The following KNDC1 variants were observed in gnomAD, a reference collection of about 807,000 sequenced individuals.
The protein encoded by KNDC1 is kinase non-catalytic C-lobe domain-containing protein 1.
Under a neutral mutation model 172.8 loss-of-function variants are expected in KNDC1, and 106 were observed. The ratio of observed to expected loss-of-function variants is 0.61; its 90% CI spans 0.52 to 0.72. KNDC1 has a LOEUF of 0.72. Among genes scored for constraint, KNDC1 ranks in the 30% least tolerant of loss-of-function variants. The pLI, the probability that KNDC1 is intolerant of heterozygous loss-of-function variation, is 0.00. For synonymous variants in KNDC1, 1,083 were observed against 1,062.2 expected (o/e 1.02, Z -0.38); for missense variants, 2,325 against 2,394.5 (o/e 0.97, Z 0.61).
Position 133,203,891 on chromosome 10 carries a change from G to A in KNDC1, c.3387+1993G>A, listed in dbSNP as rs547234555. Among the ~76,000 whole-genome samples the A allele has an allele frequency of 1.5e-3, 232 of 152,344 alleles. 1 individual carries two copies. The highest frequency in any genetic ancestry group is 5.4e-3 in the African/African-American group (226 of 41,582). Reference sequence around the variant, plus strand: ...ACGGACATCGAGTCTGACTGTGAACGGAGGCCGTGGAGGTGCCGGCCAGAG... The same window carrying A: ...ACGGACATCGAGTCTGACTGTGAACAGAGGCCGTGGAGGTGCCGGCCAGAG... On this transcript the variant is annotated intron_variant, in intron 17 of 29. Transcript: ENST00000304613.
intron 6 of KNDC1, among the ~76,000 whole-genome samples, chr10:133,188,032 C>T (rs1433025649): frequency 2.6e-5 from 4 of 152,072 alleles, no homozygotes; most frequent in Non-Finnish European, 5.9e-5. Context: ...TTCACTGAGC[C>T]CACTGTCCTC....
chr10:133,199,079 C>A lies in KNDC1; in HGVS notation c.2571C>A (p.Asp857Glu), dbSNP rs111276772. 3.9e-3 allele frequency: 6,323 copies of A among 1,608,082 alleles called. 196 individuals are homozygous for A. In the African/African-American group the frequency reaches 0.071, roughly 18 times the overall value. Residue 857 changes from aspartate to glutamate, a missense_variant, in exon 14 of 30, where the codon GAC becomes GAA. Coordinates refer to ENST00000304613, the MANE Select transcript of KNDC1 (RefSeq NM_152643.8). ...PGATPAGERD[D>E]QSPDSVPERP... Reference sequence around the variant, plus strand: ...CCACCCCTGCCGGGGAACGTGATGACCAGAGTCCAGACAGTGTCCCAGAGA... The same window carrying A: ...CCACCCCTGCCGGGGAACGTGATGAACAGAGTCCAGACAGTGTCCCAGAGA...
In KNDC1 at chr10:133,183,988, G is replaced by C; in HGVS notation, c.624G>C (p.Gln208His). 2 of 1,562,066 alleles carry C rather than the reference G, an allele frequency of 1.3e-6. No individual in the cohort carries two copies. The highest frequency in any genetic ancestry group is 1.1e-5 in the South Asian group (1 of 87,504). ...CCATCGAGTCCTTCGGAGCGCTGCA[G>C]GGTGAGTTCTTGAACCCACACACGT... ...VLSIESFGAL[Q>H]DVSESSWRER... Residue 208 changes from glutamine to histidine, a missense_variant and splice_region_variant, in exon 5 of 30, where the codon CAG becomes CAC. Coordinates refer to ENST00000304613, the MANE Select transcript of KNDC1 (RefSeq NM_152643.8).
rs763070499 is a variant in KNDC1, at chr10:133,225,709, G to A, written c.*819G>A. On this transcript the variant is annotated 3_prime_UTR_variant, in exon 30 of 30. Coordinates refer to ENST00000304613, the MANE Select transcript of KNDC1 (RefSeq NM_152643.8). ...GTGCCCCCACCCATCTCATGCCCCAGGGACCGCCACTGCCCACCGCCTCCA... is the reference window on the plus strand; with the variant it reads ...GTGCCCCCACCCATCTCATGCCCCAAGGACCGCCACTGCCCACCGCCTCCA... 1 of 152,910 alleles carries A rather than the reference G, an allele frequency of 6.5e-6. No individual in the cohort carries two copies. Among genetic ancestry groups the A allele is most frequent in the East Asian group, 1.9e-4 (1 of 5,210 alleles). The allele number at this position is 152,910 out of a possible 1,614,324, so 9.5% of individuals were successfully genotyped here. A position where few individuals can be genotyped will look rare whatever the true frequency, so the allele number is the denominator to read the frequency against.
chr10:133,218,421 C>T (rs975142439), intron 26 of KNDC1, among the ~76,000 whole-genome samples: 1 of 152,196 alleles, frequency 6.6e-6, no homozygotes, highest in African/African-American at 2.4e-5. Context: ...CTTGGCGCAG[C>T]GGGTTGGGGG....
In KNDC1 at chr10:133,186,345, A is replaced by G; in HGVS notation, c.997A>G (p.Ile333Val). The G allele has an allele frequency of 1.2e-6, 2 of 1,612,702 alleles. No homozygotes were observed. Among genetic ancestry groups the G allele is most frequent in the Non-Finnish European group, 1.7e-6 (2 of 1,179,952 alleles). ...GACCCGCGGGAAAAGCCAGCTGCCC[A>G]TATCGGAATTATTCTCTCCGGACCC... ...PLTRGKSQLP[I>V]SELFSPDPRK... is the part of the protein sequence containing the mutation. The change falls in exon 6 of 30, where the codon ATA becomes GTA. Residue 333 changes from isoleucine (I) to valine (V), a missense_variant. By Grantham distance (29) the Ile-to-Val change is conservative. Transcript: ENST00000304613.
intron 6 of KNDC1, among the ~76,000 whole-genome samples, chr10:133,187,375 G>A (rs1853949841): frequency 1.3e-5 from 2 of 152,246 alleles, no homozygotes; most frequent in Non-Finnish European, 2.9e-5. Context: ...CTGGCCAAGT[G>A]CATTTTGCCC....
intron 15 of KNDC1, 115 bp from the exon 16 acceptor site, chr10:133,200,260 C>A: frequency 2.8e-6 from 2 of 709,978 alleles, no homozygotes; most frequent in Non-Finnish European, 4.3e-6. Context: ...TGAGCTCCTG[C>A]CGCCTCCAGC....
Position 133,205,106 on chromosome 10 carries a change from G to A in KNDC1, c.3388-1579G>A, listed in dbSNP as rs1288294693. Among the ~76,000 whole-genome samples the A allele has an allele frequency of 5.3e-5, 8 of 151,524 alleles. No homozygotes were observed. The East Asian group carries it at 1.4e-3, about 26-fold the overall frequency. On this transcript the variant is annotated intron_variant, in intron 17 of 29. Transcript: ENST00000304613. ...CTGTATCTGCCCCTGTACCCCTAGA[G>A]GGAAGGGCCGTCTCTGGGGTCACTG...
Position 133,224,407 on chromosome 10 carries a change from G to A in KNDC1, c.5019-252G>A, listed in dbSNP as rs912796897. ...TCTTCTTGGGACGCTCAGCAGGGAC[G>A]AGCCTGAGCCTGCAGGGTTTCCATA... On this transcript the variant is annotated intron_variant, in intron 29 of 29. Coordinates refer to ENST00000304613, the MANE Select transcript of KNDC1 (RefSeq NM_152643.8). The surrounding 1 kb of genome is among the most constrained non-coding windows in gnomAD (Gnocchi z 5.4). Among the ~76,000 whole-genome samples, 32 of 152,138 alleles carry A rather than the reference G, an allele frequency of 2.1e-4. No homozygotes were observed. Among genetic ancestry groups the A allele is most frequent in the African/African-American group, 7.5e-4 (31 of 41,408 alleles).
chr10:133,217,711 C>A (rs1224883324), intron 26 of KNDC1, among the ~76,000 whole-genome samples: 2 of 152,156 alleles, frequency 1.3e-5, no homozygotes, highest in Admixed American at 1.3e-4. Context: ...GTGATCCCAG[C>A]ACTTTGGGAG....
chr10:133,171,598 A>G (rs548906955), intron 3 of KNDC1, among the ~76,000 whole-genome samples: 1 of 150,962 alleles, frequency 6.6e-6, no homozygotes, highest in Non-Finnish European at 1.5e-5. Flanking sequence ...TTTTAATTAC[A>G]TTTTTCTGTT....
chr10:133,212,277 G>A (rs975532630), intron 23 of KNDC1, among the ~76,000 whole-genome samples: 17 of 149,376 alleles, frequency 1.1e-4, no homozygotes, highest in African/African-American at 2.7e-4. Context: ...ACCCGCACAC[G>A]CATCCACACA....
chr10:133,177,866 G>C lies in KNDC1; in HGVS notation c.361-5478G>C, dbSNP rs1259909924. ...GCATGTAGTGTGTTGTCATGGGCAC[G>C]TGTGTAGCATGGTGTGTGTGTAGTG... On this transcript the variant is annotated intron_variant, in intron 3 of 29. Transcript: ENST00000304613. 2.0e-5 allele frequency among the ~76,000 whole-genome samples: 3 copies of C among 151,566 alleles called. No individual in the cohort carries two copies. The South Asian group carries it at 6.3e-4, about 32-fold the overall frequency.
chr10:133,177,660 G>A (rs1008028452), intron 3 of KNDC1, among the ~76,000 whole-genome samples: 1 of 151,938 alleles, frequency 6.6e-6, no homozygotes, highest in African/African-American at 2.4e-5. Flanking sequence ...ATGTGTACAT[G>A]CATGTGGTGT....
chr10:133,218,750 G>C (rs1259710831), intron 26 of KNDC1, 81 bp from the exon 27 acceptor site: 6 of 1,519,616 alleles, frequency 3.9e-6, no homozygotes, highest in Admixed American at 1.8e-5. Flanking sequence ...CTTGGAGCTG[G>C]GTGATTTTAA....
At position 133,198,928 on chromosome 10, in the gene KNDC1, C is replaced by A. The variant is rs1854280048; in HGVS notation, c.2420C>A (p.Ala807Asp). Residue 807 changes from alanine to aspartate, a missense_variant, in exon 14 of 30, where the codon GCT becomes GAT. Physicochemically the swap from Ala to Asp is moderately radical, Grantham distance 126. Transcript: ENST00000304613. ...GCTGAGCCGATCCCACCTGGAGTTG[C>A]TTCCGGGGGCCTCAGGCCCGACGCC... ...GPAEPIPPGV[A>D]SGGLRPDALG... 1.3e-6 allele frequency: 2 copies of A among 1,563,674 alleles called. No homozygotes were observed. Among genetic ancestry groups the A allele is most frequent in the Non-Finnish European group, 1.7e-6 (2 of 1,159,630 alleles).
Position 133,188,572 on chromosome 10 carries a change from G to T in KNDC1, c.1360G>T (p.Gly454Cys). Reference protein sequence around the residue: ...VSLQDLLSQLGRPFREYELWA... With the variant: ...VSLQDLLSQLCRPFREYELWA... Reference sequence around the variant, plus strand: ...CCTGCAGGACCTCCTGTCCCAGCTGGGCCGGCCCTTCCGGGAGTACGAGCT... The same window carrying T: ...CCTGCAGGACCTCCTGTCCCAGCTGTGCCGGCCCTTCCGGGAGTACGAGCT... Residue 454 changes from glycine (G) to cysteine (C), a missense_variant, in exon 7 of 30, where the codon GGC (glycine) becomes TGC (cysteine). Gly to Cys is a radical substitution (Grantham distance 159). Coordinates refer to ENST00000304613, the MANE Select transcript of KNDC1 (RefSeq NM_152643.8). 6.3e-7 allele frequency: 1 copy of T among 1,586,536 alleles called. No individual in the cohort carries two copies.
At chr10:133,169,226 T>C (rs1225091556) in intron 3 of KNDC1, among the ~76,000 whole-genome samples, 2 of 152,206 alleles carry the variant, frequency 1.3e-5, no homozygotes, top group Non-Finnish European at 2.9e-5. Flanking sequence ...TCTGGGAGGC[T>C]GAGGCGGGCA....
Sources: allele counts gnomAD v4.1 joint callset (sites outside exome capture counted in the v4.1 genomes callset), GRCh38; gene constraint gnomAD v4.1.1; non-coding constraint Gnocchi (gnomAD v3.1); transcripts MANE v1.5; gene names NCBI Gene and HGNC (gene_info 2026-07-23, HGNC 2026-07-21).